Variants in LRRC4C observed in about 807,000 individuals in gnomAD.
LRRC4C encodes the protein leucine rich repeat containing 4C, also known as leucine-rich repeat-containing protein 4C.
A neutral mutation model predicts 33.6 loss-of-function variants in LRRC4C; 5 were observed. The observed-to-expected ratio is 0.15, with a 90% CI of 0.08 to 0.31. The LOEUF is 0.31. Among genes scored for constraint, LRRC4C ranks in the 10% least tolerant of loss-of-function variants. LRRC4C has a pLI of 1.00. For synonymous variants in LRRC4C, 329 were observed against 302.0 expected, an observed-to-expected ratio of 1.09 and a Z score of -0.93; for missense variants, 560 against 796.7, an observed-to-expected ratio of 0.70 and a Z score of 3.58.
chr11:40,696,832 G>A (rs1329680221), intron 2 of LRRC4C, among the ~76,000 whole-genome samples: 2 of 146,370 alleles, frequency 1.4e-5, no homozygotes, highest in Non-Finnish European at 3.0e-5. Flanking sequence ...GCAACAAGCA[G>A]TCTAAGAAAT....
intron 1 of LRRC4C, among the ~76,000 whole-genome samples, chr11:41,419,803 G>A (rs1954812964): frequency 6.6e-6 from 1 of 151,842 alleles, no homozygotes; most frequent in Admixed American, 6.6e-5. Context: ...CAGAGCTGCT[G>A]CTTATTGCAA....
In LRRC4C at chr11:41,117,767, T is replaced by C. The variant is rs79367512; in HGVS notation, c.-495-184044A>G. Among the ~76,000 whole-genome samples the C allele has an allele frequency of 6.4e-3, 968 of 152,126 alleles. 11 individuals carry two copies. The highest frequency in any genetic ancestry group is 0.021 in the African/African-American group (892 of 41,508). On this transcript the variant is annotated intron_variant, in intron 1 of 6. Transcript: ENST00000528697. ...TGAAAAAATGAACAAAATGGTGCAA[T>C]AGGACCATTTCAAAAATGAGAAGAA... is the stretch of plus-strand genomic sequence containing the variant.
At chr11:41,344,226 C>CTTTTTTTTT (rs34736782) in intron 1 of LRRC4C, among the ~76,000 whole-genome samples, 1 of 118,438 alleles carries the variant, frequency 8.4e-6, no homozygotes. Flanking sequence ...TGAAGCCTTT[C>CTTTTTTTTT]TTTTTTTTTT....
chr11:40,600,770 T>C (rs1348969850), intron 3 of LRRC4C, among the ~76,000 whole-genome samples: 1 of 152,216 alleles, frequency 6.6e-6, no homozygotes, highest in Non-Finnish European at 1.5e-5. Context: ...CAATAAGAGA[T>C]GTAGATAGAC....
intron 1 of LRRC4C, among the ~76,000 whole-genome samples, chr11:41,226,367 C>A (rs1158388989): frequency 6.6e-6 from 1 of 152,102 alleles, no homozygotes; most frequent in Non-Finnish European, 1.5e-5. Context: ...AGTCCTCACT[C>A]TTGACAGGAA....
chr11:40,702,971 C>T (rs966823308), intron 2 of LRRC4C, among the ~76,000 whole-genome samples: 8 of 151,924 alleles, frequency 5.3e-5, no homozygotes, highest in African/African-American at 1.9e-4. Flanking sequence ...ATATCAAAAG[C>T]TAGGATTCCA....
chr11:41,055,958 A>G (rs1448502312), intron 1 of LRRC4C, among the ~76,000 whole-genome samples: 3 of 152,182 alleles, frequency 2.0e-5, no homozygotes, highest in Non-Finnish European at 4.4e-5. Flanking sequence ...TATGCTTTTA[A>G]TGCATATTTT....
intron 2 of LRRC4C, among the ~76,000 whole-genome samples, chr11:40,865,232 T>A (rs1357649386): frequency 6.6e-6 from 1 of 152,118 alleles, no homozygotes; most frequent in Non-Finnish European, 1.5e-5. Flanking sequence ...CTAAAAAAGT[T>A]CATCTCACAG....
At chr11:40,554,868 C>A (rs1211249397) in intron 3 of LRRC4C, among the ~76,000 whole-genome samples, 1 of 149,380 alleles carries the variant, frequency 6.7e-6, no homozygotes, top group Non-Finnish European at 1.5e-5. Context: ...ACTACAGACG[C>A]CCGCTACCAC....
At chr11:40,859,022 T>C (rs1239438815) in intron 2 of LRRC4C, among the ~76,000 whole-genome samples, 1 of 152,224 alleles carries the variant, frequency 6.6e-6, no homozygotes, top group Non-Finnish European at 1.5e-5. Flanking sequence ...AGTTTCATTA[T>C]GATTCATCCA....
intron 1 of LRRC4C, among the ~76,000 whole-genome samples, chr11:41,143,863 C>A (rs1467253198): frequency 6.6e-6 from 1 of 152,150 alleles, no homozygotes; most frequent in Admixed American, 6.5e-5. Flanking sequence ...CAAGCGTATC[C>A]TCTGTTTATT....
intron 3 of LRRC4C, among the ~76,000 whole-genome samples, chr11:40,409,482 A>T (rs763031387): frequency 8.6e-5 from 13 of 152,046 alleles, no homozygotes; most frequent in Middle Eastern, 3.2e-3. Context: ...ACATTTGCAA[A>T]CCATATATCT....
intron 1 of LRRC4C, among the ~76,000 whole-genome samples, chr11:40,972,077 G>C (rs1437777065): frequency 6.6e-6 from 1 of 151,626 alleles, no homozygotes; most frequent in South Asian, 2.1e-4. Flanking sequence ...TTTGGACTAT[G>C]GACTTTTGAG....
intron 3 of LRRC4C, among the ~76,000 whole-genome samples, chr11:40,502,547 A>G (rs1272612766): frequency 1.3e-5 from 2 of 152,046 alleles, no homozygotes; most frequent in Non-Finnish European, 2.9e-5. Context: ...CCCTTATAAA[A>G]CCATGAAACC....
chr11:40,382,764 G>T (rs1302495774), intron 3 of LRRC4C, among the ~76,000 whole-genome samples: 3 of 128,506 alleles, frequency 2.3e-5, no homozygotes, highest in African/African-American at 5.9e-5. Flanking sequence ...CTCGATCTCC[G>T]CTCACTGCAA....
At chr11:41,007,196 G>A (rs1455178533) in intron 1 of LRRC4C, among the ~76,000 whole-genome samples, 2 of 151,282 alleles carry the variant, frequency 1.3e-5, no homozygotes, top group East Asian at 1.9e-4. Context: ...ACGTTCCATC[G>A]AGAGAGAATC....
intron 3 of LRRC4C, among the ~76,000 whole-genome samples, chr11:40,554,740 T>G (rs1591090123): frequency 1.2e-5 from 1 of 86,688 alleles, no homozygotes; most frequent in Non-Finnish European, 2.3e-5. Flanking sequence ...TGCATTCTTT[T>G]TTTTTTTTTT....
At chr11:40,843,921 T>C (rs925804980) in intron 2 of LRRC4C, among the ~76,000 whole-genome samples, 1 of 152,180 alleles carries the variant, frequency 6.6e-6, no homozygotes, top group Non-Finnish European at 1.5e-5. Flanking sequence ...TAAGGAGCTT[T>C]ACATGGCTAG....
chr11:40,499,825 A>C (rs559887896), intron 3 of LRRC4C, among the ~76,000 whole-genome samples: 1 of 152,264 alleles, frequency 6.6e-6, no homozygotes, highest in East Asian at 1.9e-4. Context: ...GACCAACAAC[A>C]AGGTTGGCCT....
Sources: allele counts gnomAD v4.1 joint callset (sites outside exome capture counted in the v4.1 genomes callset), GRCh38; gene constraint gnomAD v4.1.1; transcripts MANE v1.5; gene names NCBI Gene and HGNC (gene_info 2026-07-23, HGNC 2026-07-21).